CFAP57: variants seen among roughly 807,000 people sequenced by gnomAD.
CFAP57 encodes cilia and flagella associated protein 57, also known as cilia- and flagella-associated protein 57.
In CFAP57, 116 loss-of-function variants were observed where a neutral mutation model predicts 146.8. That is an observed-to-expected ratio of 0.79 (90% CI 0.68 to 0.92). The LOEUF is 0.92. Ranked by LOEUF, CFAP57 falls within the 40% of genes least tolerant of loss-of-function variation. CFAP57 has a pLI of 0.00. For synonymous variants in CFAP57, 518 were observed against 552.8 expected (o/e 0.94, Z 0.88); for missense variants, 1,377 against 1,527.2 (o/e 0.90, Z 1.64).
chr1:43,187,725 G>T (rs1643235951), intron 6 of CFAP57, among the ~76,000 whole-genome samples: 1 of 151,558 alleles, frequency 6.6e-6, no homozygotes, highest in Non-Finnish European at 1.5e-5. Context: ...ATATAGATTT[G>T]CCTATTCTGG....
intron 21 of CFAP57, among the ~76,000 whole-genome samples, chr1:43,235,989 G>A (rs72891693): frequency 0.015 from 2,299 of 152,304 alleles, 55 homozygotes; most frequent in African/African-American, 0.052. Context: ...GTCAGCATGA[G>A]GCTGCTGGGG....
At chr1:43,244,697 G>C (rs1001767347) in intron 22 of CFAP57, among the ~76,000 whole-genome samples, 1 of 151,934 alleles carries the variant, frequency 6.6e-6, no homozygotes, top group African/African-American at 2.4e-5. Flanking sequence ...AAGGTCAAGA[G>C]ATCGAGACCA....
At position 43,234,272 on chromosome 1, in the gene CFAP57, A is replaced by G; in HGVS notation, c.3127-7A>G. 1 of 1,542,232 alleles carries G rather than the reference A, an allele frequency of 6.5e-7. No homozygotes were observed. Among genetic ancestry groups the G allele is most frequent in the Non-Finnish European group, 8.7e-7 (1 of 1,142,864 alleles). On this transcript the variant is annotated splice_polypyrimidine_tract_variant and splice_region_variant and intron_variant, in intron 19 of 22. Coordinates refer to ENST00000372492, the MANE Select transcript of CFAP57 (RefSeq NM_001378189.1). The stretch of plus-strand genomic sequence containing the variant: ...ACAGCACCAGAAGGAAACGTCTCTG[A>G]TTGCAGGAGCGAGACTTGGAAGCGC...
At chr1:43,188,999 T>C (rs1643331117) in intron 6 of CFAP57, among the ~76,000 whole-genome samples, 1 of 152,232 alleles carries the variant, frequency 6.6e-6, no homozygotes, top group African/African-American at 2.4e-5. Context: ...CAGCATCATT[T>C]GTTGAAAAGG....
chr1:43,252,447 C>A (rs1317937288), intron 22 of CFAP57, among the ~76,000 whole-genome samples: 2 of 151,996 alleles, frequency 1.3e-5, no homozygotes. Flanking sequence ...AAGGACCCCA[C>A]AGTAGTAGTG....
intron 2 of CFAP57, among the ~76,000 whole-genome samples, chr1:43,178,227 G>T (rs1158345666): frequency 3.3e-5 from 5 of 152,160 alleles, no homozygotes; most frequent in Non-Finnish European, 5.9e-5. Context: ...TATAGGCATG[G>T]GCAAGGACTT....
At position 43,224,124 on chromosome 1, in the gene CFAP57, G is replaced by A. The variant is rs1356050633; in HGVS notation, c.2785G>A (p.Gly929Arg). The change falls in exon 17 of 23, where the codon GGA becomes AGA. Residue 929 changes from glycine to arginine, a missense_variant. Gly to Arg is a moderately radical substitution (Grantham distance 125). Coordinates refer to ENST00000372492, the MANE Select transcript of CFAP57 (RefSeq NM_001378189.1). ...TLKGEQMKLQ[G>R]VIKSLEKDIQ... ...AAAAGGAGAGCAGATGAAGCTGCAA[G>A]GAGTCATTAAGTCTCTGGAGAAGGA... The A allele has an allele frequency of 3.2e-6, 5 of 1,550,432 alleles. No homozygotes were observed. Among genetic ancestry groups the A allele is most frequent in the Non-Finnish European group, 4.4e-6 (5 of 1,146,952 alleles).
chr1:43,219,499 T>C lies in CFAP57; in HGVS notation c.2209T>C (p.Phe737Leu). ...SEKIKELTDKFIQEMESLKTK... is the reference protein window; with the variant it reads ...SEKIKELTDKLIQEMESLKTK... Reference sequence around the variant, plus strand: ...GAAGATTAAGGAGCTAACAGACAAGTTCATCCAGGAAATGGAGTCCTTGAA... The same window carrying C: ...GAAGATTAAGGAGCTAACAGACAAGCTCATCCAGGAAATGGAGTCCTTGAA... The change falls in exon 13 of 23, where the codon TTC becomes CTC. Residue 737 changes from phenylalanine to leucine, a missense_variant. Transcript: ENST00000372492. 1 of 1,550,518 alleles carries C rather than the reference T, an allele frequency of 6.4e-7. No homozygotes were observed. The highest frequency in any genetic ancestry group is 8.7e-7 in the Non-Finnish European group (1 of 1,146,976).
chr1:43,243,137 T>C, intron 21 of CFAP57, 90 bp from the exon 22 acceptor site: 9 of 1,417,426 alleles, frequency 6.3e-6, no homozygotes, highest in Non-Finnish European at 8.5e-6. Context: ...ACCCTGCCCA[T>C]TCCCCATACA....
In CFAP57 at chr1:43,198,456, A is replaced by G. The variant is rs56938345; in HGVS notation, c.1263-25A>G. ...AAGGATTTAGTGAGCTAAGCTTACAATTCAGTAATTGATCTTTTTCACAGC... is the reference window on the plus strand; with the variant it reads ...AAGGATTTAGTGAGCTAAGCTTACAGTTCAGTAATTGATCTTTTTCACAGC... On this transcript the variant is annotated intron_variant, in intron 7 of 22. Transcript: ENST00000372492. 4.7e-3 allele frequency: 7,621 copies of G among 1,612,924 alleles called. 148 individuals carry two copies. The African/African-American group carries it at 0.053, about 11-fold the overall frequency.
At chr1:43,243,923 C>T (rs570206626) in intron 22 of CFAP57, among the ~76,000 whole-genome samples, 5 of 152,280 alleles carry the variant, frequency 3.3e-5, no homozygotes, top group African/African-American at 9.6e-5. Flanking sequence ...GAATTTCTGA[C>T]GGCCAAGGCA....
At chr1:43,173,291 A>T (rs950816822) in intron 2 of CFAP57, among the ~76,000 whole-genome samples, 1 of 152,210 alleles carries the variant, frequency 6.6e-6, no homozygotes, top group Non-Finnish European at 1.5e-5. Context: ...AGTATGATGA[A>T]GACACTGTAA....
At chr1:43,242,901 G>T (rs2764417) in intron 21 of CFAP57, among the ~76,000 whole-genome samples, 46,897 of 151,836 alleles carry the variant, frequency 0.31, 8,541 homozygotes, top group Non-Finnish European at 0.41. Context: ...GCCAATAATT[G>T]TGATATAATA....
At position 43,206,832 on chromosome 1, in the gene CFAP57, T is replaced by C. The variant is rs567504378; in HGVS notation, c.1655T>C (p.Leu552Pro). ...GGAAAGAGAGAGACAGAATGCGTGC[T>C]CAAGTCTTGCAGCTACAACTGTGTT... is the stretch of plus-strand genomic sequence containing the variant. ...STGKRETECV[L>P]KSCSYNCVTV... Residue 552 changes from leucine to proline, a missense_variant, in exon 10 of 23, where the codon CTC becomes CCC. By Grantham distance (98) the Leu-to-Pro change is moderately conservative. Coordinates refer to ENST00000372492, the MANE Select transcript of CFAP57 (RefSeq NM_001378189.1). The C allele has an allele frequency of 6.2e-7, 1 of 1,614,154 alleles. No individual in the cohort carries two copies. Among genetic ancestry groups the C allele is most frequent in the Admixed American group, 1.7e-5 (1 of 60,020 alleles).
At chr1:43,200,737 T>A (rs1362971617) in intron 9 of CFAP57, among the ~76,000 whole-genome samples, 1 of 152,134 alleles carries the variant, frequency 6.6e-6, no homozygotes, top group African/African-American at 2.4e-5. Flanking sequence ...TTCATATGGC[T>A]GGAACACTGG....
At chr1:43,217,907 C>T (rs552246896) in intron 12 of CFAP57, among the ~76,000 whole-genome samples, 64 of 152,198 alleles carry the variant, frequency 4.2e-4, no homozygotes, top group Non-Finnish European at 7.5e-4. Context: ...GATGGTCTGA[C>T]GCAGTCTTGG....
chr1:43,215,964 C>T (rs554667372), intron 12 of CFAP57, among the ~76,000 whole-genome samples: 2 of 152,188 alleles, frequency 1.3e-5, no homozygotes, highest in Non-Finnish European at 2.9e-5. Flanking sequence ...CCCTTAATCA[C>T]TATACCAAAG....
chr1:43,230,783 A>C (rs1376021665), intron 18 of CFAP57, among the ~76,000 whole-genome samples: 1 of 152,152 alleles, frequency 6.6e-6, no homozygotes, highest in African/African-American at 2.4e-5. Context: ...TTCTGCCTTA[A>C]CTGCAGTGTT....
chr1:43,199,285 C>T lies in CFAP57; in HGVS notation c.1429-105C>T, dbSNP rs1025905959. The stretch of plus-strand genomic sequence containing the variant: ...CCTTCCCCCCACTCCCACCCTCACA[C>T]GTAGTTTCAGTCTGAACTCGTTGGG... On this transcript the variant is annotated intron_variant, in intron 8 of 22. Coordinates refer to ENST00000372492, the MANE Select transcript of CFAP57 (RefSeq NM_001378189.1). 4.3e-5 allele frequency: 45 copies of T among 1,049,506 alleles called. No individual in the cohort carries two copies. The African/African-American group carries it at 5.0e-4, about 12-fold the overall frequency. The allele number at this position is 1,049,506 out of a possible 1,614,324, so 65.0% of individuals were successfully genotyped here.
Sources: allele counts gnomAD v4.1 joint callset (sites outside exome capture counted in the v4.1 genomes callset), GRCh38; gene constraint gnomAD v4.1.1; transcripts MANE v1.5; gene names NCBI Gene and HGNC (gene_info 2026-07-23, HGNC 2026-07-21).